STXBP5L: variants seen among roughly 807,000 people sequenced by gnomAD.
STXBP5L encodes the protein syntaxin-binding protein 5-like.
A neutral mutation model predicts 144.5 loss-of-function variants in STXBP5L; 65 were observed. The ratio of observed to expected loss-of-function variants is 0.45; its 90% CI spans 0.37 to 0.55. STXBP5L has a LOEUF of 0.55. Ranked by LOEUF, STXBP5L falls within the 20% of genes least tolerant of loss-of-function variation. The pLI is 0.00. For missense variants in STXBP5L, 1,298 were observed against 1,405.5 expected (o/e 0.92, Z 1.22); for synonymous variants, 505 against 469.6 (o/e 1.08, Z -0.97).
At chr3:121,234,534 T>A (rs548537732) in intron 12 of STXBP5L, among the ~76,000 whole-genome samples, 1 of 152,282 alleles carries the variant, frequency 6.6e-6, no homozygotes, top group African/African-American at 2.4e-5. Context: ...GCTTAAAGAT[T>A]GTCTCCCCAC....
chr3:121,091,283 G>A (rs1389460954), intron 5 of STXBP5L, among the ~76,000 whole-genome samples: 2 of 147,008 alleles, frequency 1.4e-5, no homozygotes, highest in Non-Finnish European at 3.0e-5. Flanking sequence ...TAGTCCTTTG[G>A]GTATATACCC....
chr3:121,274,744 G>A (rs1511432), intron 18 of STXBP5L, among the ~76,000 whole-genome samples: 119,589 of 152,072 alleles, frequency 0.79, 47,250 homozygotes, highest in East Asian at 0.93. Flanking sequence ...CCTATAGAGT[G>A]AGAACCTGTG....
chr3:121,209,228 A>G (rs964344233), intron 10 of STXBP5L, among the ~76,000 whole-genome samples: 2 of 152,070 alleles, frequency 1.3e-5, no homozygotes, highest in African/African-American at 4.8e-5. Context: ...GCTGAAGTAA[A>G]CATACATGTG....
At chr3:121,237,227 C>T (rs967966496) in intron 12 of STXBP5L, among the ~76,000 whole-genome samples, 31 of 152,340 alleles carry the variant, frequency 2.0e-4, no homozygotes, top group Middle Eastern at 3.4e-3. Flanking sequence ...TGCCAAGCCT[C>T]CATGGCTCTT....
intron 3 of STXBP5L, among the ~76,000 whole-genome samples, chr3:120,971,864 A>G (rs7646815): frequency 0.099 from 15,044 of 151,812 alleles, 1,167 homozygotes; most frequent in Admixed American, 0.2. Context: ...CCATGCGCAC[A>G]CATGCATGCA....
intron 20 of STXBP5L, among the ~76,000 whole-genome samples, chr3:121,345,344 C>G (rs948601033): frequency 6.6e-6 from 1 of 152,016 alleles, no homozygotes; most frequent in Admixed American, 6.6e-5. Context: ...TGAACTCATC[C>G]TTTTTATGAC....
chr3:121,208,066 A>G (rs2048408804), intron 10 of STXBP5L, among the ~76,000 whole-genome samples: 1 of 152,206 alleles, frequency 6.6e-6, no homozygotes, highest in African/African-American at 2.4e-5. Flanking sequence ...CACAATAGTA[A>G]AGACTTGGAA....
chr3:121,265,767 C>T (rs1198568594), intron 18 of STXBP5L, among the ~76,000 whole-genome samples: 1 of 151,838 alleles, frequency 6.6e-6, no homozygotes, highest in African/African-American at 2.4e-5. Flanking sequence ...CAAACAGGAA[C>T]AATAAAAAAT....
intron 3 of STXBP5L, among the ~76,000 whole-genome samples, chr3:120,972,414 A>T (rs901125624): frequency 2.0e-5 from 3 of 152,090 alleles, no homozygotes; most frequent in Admixed American, 6.6e-5. Context: ...TTATACAATG[A>T]TTTTTATATT....
intron 9 of STXBP5L, among the ~76,000 whole-genome samples, chr3:121,193,903 A>G (rs2047810212): frequency 6.6e-6 from 1 of 152,152 alleles, no homozygotes; most frequent in African/African-American, 2.4e-5. Context: ...GCAAACCAGC[A>G]TGGCACATGT....
intron 20 of STXBP5L, among the ~76,000 whole-genome samples, chr3:121,371,557 G>C (rs1238843095): frequency 6.6e-6 from 1 of 152,020 alleles, no homozygotes; most frequent in Non-Finnish European, 1.5e-5. Context: ...CAGGGTGCTG[G>C]TAGGTACCAG....
intron 5 of STXBP5L, among the ~76,000 whole-genome samples, chr3:121,048,292 T>C (rs1947665062): frequency 6.6e-6 from 1 of 152,166 alleles, no homozygotes; most frequent in Non-Finnish European, 1.5e-5. Context: ...TTCCCTTTTC[T>C]TTCAGCCTTG....
chr3:120,910,841 TATTTAGAGTTA>T (rs1356733652), intron 2 of STXBP5L, among the ~76,000 whole-genome samples: 1 of 152,196 alleles, frequency 6.6e-6, no homozygotes, highest in Non-Finnish European at 1.5e-5. Flanking sequence ...AAAGCAAGTT[TATTTAGAGTTA>T]ATTTAGATAA....
At chr3:120,970,862 A>G (rs1940169265) in intron 3 of STXBP5L, among the ~76,000 whole-genome samples, 1 of 152,074 alleles carries the variant, frequency 6.6e-6, no homozygotes, top group Admixed American at 6.6e-5. Context: ...CACTGGAACT[A>G]ACTTATTGCT....
chr3:120,969,012 G>T (rs545138401), intron 3 of STXBP5L, among the ~76,000 whole-genome samples: 27 of 152,178 alleles, frequency 1.8e-4, no homozygotes, highest in African/African-American at 5.8e-4. Flanking sequence ...GTGTGTGCAT[G>T]CATCTTTTTC....
At chr3:121,316,178 T>A (rs1043081321) in intron 19 of STXBP5L, among the ~76,000 whole-genome samples, 11 of 152,172 alleles carry the variant, frequency 7.2e-5, no homozygotes, top group Non-Finnish European at 1.3e-4. Context: ...TAGTATTTAA[T>A]GATGATAATT....
At chr3:121,012,911 TTTAGTTCCTACTTACAAGTGAG>T (rs1944886218) in intron 3 of STXBP5L, among the ~76,000 whole-genome samples, 1 of 152,024 alleles carries the variant, frequency 6.6e-6, no homozygotes, top group Non-Finnish European at 1.5e-5. Context: ...ATACTCAGTG[TTTAGTTCCTACTTACAAGTGAG>T]AAGATGCAGT....
At position 121,161,004 on chromosome 3, in the gene STXBP5L, C is replaced by T. The variant is rs78933539; in HGVS notation, c.877+3377C>T. 7.9e-3 allele frequency among the ~76,000 whole-genome samples: 1,208 copies of T among 152,106 alleles called. 14 individuals are homozygous for T. The highest frequency in any genetic ancestry group is 0.028 in the African/African-American group (1,157 of 41,518). ...ATTTCTCTTCCCCTACTGTCCTTTACGCTATGGTTATCATATAGTACATCC... is the reference window on the plus strand; with the variant it reads ...ATTTCTCTTCCCCTACTGTCCTTTATGCTATGGTTATCATATAGTACATCC... On this transcript the variant is annotated intron_variant, in intron 9 of 26. Transcript: ENST00000471454.
chr3:121,085,213 T>C (rs1201015261), intron 5 of STXBP5L, among the ~76,000 whole-genome samples: 4 of 152,210 alleles, frequency 2.6e-5, no homozygotes, highest in Admixed American at 2.0e-4. Context: ...AGAAGCTCTT[T>C]AGTTTAATTA....
Sources: allele counts gnomAD v4.1 joint callset (sites outside exome capture counted in the v4.1 genomes callset), GRCh38; gene constraint gnomAD v4.1.1; transcripts MANE v1.5; gene names NCBI Gene and HGNC (gene_info 2026-07-23, HGNC 2026-07-21).